ELP4: variants seen among roughly 807,000 people sequenced by gnomAD.
ELP4 encodes elongator complex protein 4.
ELP4 carries 51 observed loss-of-function variants against 48.9 expected under a neutral mutation model. The ratio of observed to expected loss-of-function variants is 1.04; its 90% CI spans 0.83 to 1.32. ELP4 has a LOEUF of 1.32. ELP4 is among the 40% of genes most tolerant of loss of function. The pLI is 0.00. For missense variants in ELP4, 519 were observed against 514.6 expected (o/e 1.01, Z -0.08); for synonymous variants, 210 against 189.2 (o/e 1.11, Z -0.90).
intron 9 of ELP4, among the ~76,000 whole-genome samples, chr11:31,770,459 A>T (rs1390273913): frequency 6.6e-6 from 1 of 151,802 alleles, no homozygotes; most frequent in East Asian, 1.9e-4. Flanking sequence ...TGTTTTTACT[A>T]TCCAAGTACA....
chr11:31,703,601 T>C (rs895494014), intron 9 of ELP4, among the ~76,000 whole-genome samples: 2 of 152,200 alleles, frequency 1.3e-5, no homozygotes, highest in African/African-American at 4.8e-5. Flanking sequence ...CCTAAATCTC[T>C]TCTCTTCAAG....
intron 9 of ELP4, among the ~76,000 whole-genome samples, chr11:31,697,477 T>C (rs1565117055): frequency 6.6e-6 from 1 of 152,154 alleles, no homozygotes; most frequent in Non-Finnish European, 1.5e-5. Flanking sequence ...AAAATCATCT[T>C]ACTAAAATTC....
At chr11:31,657,687 A>G (rs562944228) in intron 9 of ELP4, among the ~76,000 whole-genome samples, 1 of 152,020 alleles carries the variant, frequency 6.6e-6, no homozygotes, top group Non-Finnish European at 1.5e-5. Flanking sequence ...TTGCATACAT[A>G]CTATTTCACA....
chr11:31,762,514 A>G (rs541366031), intron 9 of ELP4, among the ~76,000 whole-genome samples: 27 of 152,176 alleles, frequency 1.8e-4, no homozygotes, highest in African/African-American at 6.0e-4. Context: ...ACTTTCTACA[A>G]TAAGAATCTT....
chr11:31,581,003 A>G (rs139982776), intron 3 of ELP4, among the ~76,000 whole-genome samples: 2 of 152,298 alleles, frequency 1.3e-5, no homozygotes, highest in African/African-American at 2.4e-5. Context: ...TTGACAGTCT[A>G]TATTTCTCCT....
chr11:31,553,626 A>T (rs1956884867), intron 3 of ELP4, among the ~76,000 whole-genome samples: 2 of 151,926 alleles, frequency 1.3e-5, no homozygotes, highest in East Asian at 1.9e-4. Flanking sequence ...TAACTGTCCG[A>T]GGTCTCCAGC....
intron 7 of ELP4, among the ~76,000 whole-genome samples, chr11:31,635,847 C>T (rs994922021): frequency 1.3e-5 from 2 of 152,010 alleles, no homozygotes; most frequent in Admixed American, 1.3e-4. Context: ...CAATAGAAAT[C>T]TCCAGCAGCC....
chr11:31,738,284 C>A (rs1947366994), intron 9 of ELP4, among the ~76,000 whole-genome samples: 1 of 145,464 alleles, frequency 6.9e-6, no homozygotes, highest in Non-Finnish European at 1.5e-5. Flanking sequence ...CATGGTGATG[C>A]ATGCCTGTAG....
intron 9 of ELP4, among the ~76,000 whole-genome samples, chr11:31,705,709 AAT>A (rs1946616685): frequency 6.6e-6 from 1 of 152,202 alleles, no homozygotes; most frequent in Non-Finnish European, 1.5e-5. Context: ...CACCATTATC[AAT>A]ATGTCTATTA....
At chr11:31,573,274 G>A (rs74320580) in intron 3 of ELP4, among the ~76,000 whole-genome samples, 100 of 152,172 alleles carry the variant, frequency 6.6e-4, no homozygotes, top group Non-Finnish European at 8.8e-4. Flanking sequence ...CGTATCTTTA[G>A]CATATACCTC....
At chr11:31,579,509 G>T (rs529968259) in intron 3 of ELP4, among the ~76,000 whole-genome samples, 1 of 151,946 alleles carries the variant, frequency 6.6e-6, no homozygotes, top group Non-Finnish European at 1.5e-5. Context: ...GGCACTTTTC[G>T]CAATAGCAAA....
At chr11:31,541,553 T>C (rs1002460112) in intron 3 of ELP4, 9 of 152,374 alleles carry the variant, frequency 5.9e-5, no homozygotes, top group Admixed American at 5.9e-4. Flanking sequence ...AACATCTATA[T>C]AGCCATCATA....
intron 9 of ELP4, among the ~76,000 whole-genome samples, chr11:31,721,722 G>A (rs1946963568): frequency 6.6e-6 from 1 of 151,880 alleles, no homozygotes; most frequent in Non-Finnish European, 1.5e-5. Context: ...TCATTTCTCA[G>A]ATAAAATGGT....
chr11:31,604,357 A>G (rs965173122), intron 5 of ELP4, among the ~76,000 whole-genome samples: 6 of 151,876 alleles, frequency 4.0e-5, no homozygotes, highest in African/African-American at 1.2e-4. Context: ...TATACTTTAC[A>G]ATATTTTATT....
At chr11:31,639,214 C>G (rs892757699) in intron 7 of ELP4, among the ~76,000 whole-genome samples, 1 of 151,592 alleles carries the variant, frequency 6.6e-6, no homozygotes, top group Non-Finnish European at 1.5e-5. Flanking sequence ...GTTTTCAGAT[C>G]TTCTTAACGA....
At chr11:31,652,545 G>A (rs903775316) in intron 9 of ELP4, 17 of 151,550 alleles carry the variant, frequency 1.1e-4, no homozygotes, top group Admixed American at 8.6e-4. Context: ...TAAAATCATC[G>A]AGCAAATGCT....
At chr11:31,541,705 A>T (rs1956593556) in intron 3 of ELP4, among the ~76,000 whole-genome samples, 1 of 152,220 alleles carries the variant, frequency 6.6e-6, no homozygotes, top group South Asian at 2.1e-4. Flanking sequence ...CATTAATTTC[A>T]AAACTAATCC....
intron 9 of ELP4, among the ~76,000 whole-genome samples, chr11:31,725,186 G>A (rs540858947): frequency 6.6e-6 from 1 of 152,218 alleles, no homozygotes; most frequent in Admixed American, 6.5e-5. Context: ...AGATGTTTGA[G>A]TTTTTCAGAG....
chr11:31,624,957 T>C (rs148377561), intron 5 of ELP4, among the ~76,000 whole-genome samples: 142 of 151,570 alleles, frequency 9.4e-4, no homozygotes, highest in African/African-American at 2.9e-3. Flanking sequence ...CATCTCGTGA[T>C]AAGAATGCCT....
Sources: gnomAD v4.1 joint callset for allele counts (sites outside exome capture counted in the v4.1 genomes callset) on GRCh38, gnomAD v4.1.1 for gene constraint, MANE v1.5 for transcripts, NCBI Gene and HGNC (gene_info 2026-07-23, HGNC 2026-07-21) for gene names.